The following PITPNC1 variants were observed in gnomAD, a reference collection of about 807,000 sequenced individuals.
PITPNC1 encodes cytoplasmic phosphatidylinositol transfer protein 1.
Under a neutral mutation model 44.7 loss-of-function variants are expected in PITPNC1, and 18 were observed. The ratio of observed to expected loss-of-function variants is 0.40; its 90% CI spans 0.28 to 0.60. PITPNC1 has a LOEUF of 0.60. Among genes scored for constraint, PITPNC1 ranks in the 20% least tolerant of loss-of-function variants. The pLI is 0.39. For missense variants in PITPNC1, 290 were observed against 418.4 expected (o/e 0.69, Z 2.68); for synonymous variants, 141 against 149.6 (o/e 0.94, Z 0.42).
At chr17:67,524,244 G>C (rs1013019487) in intron 1 of PITPNC1, among the ~76,000 whole-genome samples, 9 of 152,042 alleles carry the variant, frequency 5.9e-5, no homozygotes, top group African/African-American at 2.2e-4. Flanking sequence ...GGAATTTGAG[G>C]CCAGCCTGGG....
chr17:67,505,685 C>T (rs2040091268), intron 1 of PITPNC1, among the ~76,000 whole-genome samples: 2 of 152,052 alleles, frequency 1.3e-5, no homozygotes, highest in Admixed American at 1.3e-4. Flanking sequence ...CCGTGTTAGC[C>T]AGGCTGGTCT....
intron 1 of PITPNC1, among the ~76,000 whole-genome samples, chr17:67,425,981 T>C (rs771055112): frequency 7.9e-5 from 12 of 152,236 alleles, no homozygotes; most frequent in Non-Finnish European, 1.5e-4. Flanking sequence ...TCAATAAAAC[T>C]TTATTTAACA....
chr17:67,412,686 C>T (rs2038521011), intron 1 of PITPNC1, among the ~76,000 whole-genome samples: 1 of 152,262 alleles, frequency 6.6e-6, no homozygotes, highest in Middle Eastern at 3.4e-3. Context: ...CCTGCCTCAG[C>T]CTCCCGAGAA....
At chr17:67,425,468 C>CCCCT (rs749828678) in intron 1 of PITPNC1, among the ~76,000 whole-genome samples, 91 of 143,172 alleles carry the variant, frequency 6.4e-4, no homozygotes, top group South Asian at 3.4e-3. Context: ...TCTCTCCCTT[C>CCCCT]CCCTCCCTCC....
At chr17:67,611,163 TAGA>T (rs2041682870) in intron 5 of PITPNC1, 1 of 152,194 alleles carries the variant, frequency 6.6e-6, no homozygotes, top group Non-Finnish European at 1.5e-5. Flanking sequence ...TATGAGATAC[TAGA>T]AGAAGGTCTG....
chr17:67,563,841 G>C (rs112923666), intron 4 of PITPNC1, among the ~76,000 whole-genome samples: 346 of 152,296 alleles, frequency 2.3e-3, no homozygotes, highest in African/African-American at 7.9e-3. Flanking sequence ...AGGTTCTCCA[G>C]AGAGACAGAA....
intron 6 of PITPNC1, among the ~76,000 whole-genome samples, chr17:67,663,179 G>A (rs1320490374): frequency 3.9e-5 from 6 of 152,130 alleles, no homozygotes; most frequent in Admixed American, 2.0e-4. Flanking sequence ...CACATGTTGT[G>A]TATCTGATAC....
chr17:67,539,681 A>T (rs1222158732), intron 2 of PITPNC1, among the ~76,000 whole-genome samples: 1 of 152,146 alleles, frequency 6.6e-6, no homozygotes, highest in Non-Finnish European at 1.5e-5. Context: ...TACTAAAAAT[A>T]TTAAAAATTG....
chr17:67,489,687 C>G (rs1347966166), intron 1 of PITPNC1, among the ~76,000 whole-genome samples: 1 of 152,066 alleles, frequency 6.6e-6, no homozygotes, highest in East Asian at 1.9e-4. Flanking sequence ...ATTACTGAAC[C>G]CGAACCTTTT....
At chr17:67,526,472 T>C (rs1409916450) in intron 1 of PITPNC1, among the ~76,000 whole-genome samples, 1 of 152,204 alleles carries the variant, frequency 6.6e-6, no homozygotes, top group Non-Finnish European at 1.5e-5. Flanking sequence ...CTCATGCCTA[T>C]AATCCCAGCA....
intron 1 of PITPNC1, among the ~76,000 whole-genome samples, chr17:67,481,544 G>GC (rs1248541314): frequency 6.6e-6 from 1 of 152,092 alleles, no homozygotes; most frequent in African/African-American, 2.4e-5. Context: ...TTGCTTTGTT[G>GC]CCCAGGTAGG....
chr17:67,478,727 G>C (rs1420526659), intron 1 of PITPNC1, among the ~76,000 whole-genome samples: 9 of 152,006 alleles, frequency 5.9e-5, no homozygotes, highest in Non-Finnish European at 1.2e-4. Flanking sequence ...CAAGCGTTGG[G>C]AGGTCTCTGA....
intron 4 of PITPNC1, among the ~76,000 whole-genome samples, chr17:67,566,159 T>C (rs1345750855): frequency 6.6e-6 from 1 of 152,146 alleles, no homozygotes; most frequent in Non-Finnish European, 1.5e-5. Context: ...TGTAATATTT[T>C]TTCACATCTC....
At chr17:67,636,483 G>A (rs767086728) in intron 6 of PITPNC1, among the ~76,000 whole-genome samples, 8 of 152,142 alleles carry the variant, frequency 5.3e-5, no homozygotes, top group Non-Finnish European at 1.0e-4. Flanking sequence ...ATAGGGCTGA[G>A]CCCTGCACAT....
intron 1 of PITPNC1, chr17:67,408,811 A>T (rs2038445601): frequency 6.6e-6 from 1 of 150,898 alleles, no homozygotes; most frequent in Admixed American, 6.6e-5. Context: ...AGGGGGAAAG[A>T]ATAGAACAAG....
intron 1 of PITPNC1, among the ~76,000 whole-genome samples, chr17:67,492,572 G>C (rs1446147600): frequency 6.6e-6 from 1 of 152,126 alleles, no homozygotes; most frequent in Non-Finnish European, 1.5e-5. Flanking sequence ...CACCAAGTTT[G>C]TGGTGATTTG....
intron 5 of PITPNC1, among the ~76,000 whole-genome samples, chr17:67,624,210 TTTTC>T (rs1354323166): frequency 3.2e-5 from 2 of 63,330 alleles, no homozygotes; most frequent in Non-Finnish European, 5.5e-5. Context: ...TCTTTCTTTC[TTTTC>T]TTTTTTTTTT....
chr17:67,475,397 G>GT (rs1007883767), intron 1 of PITPNC1, among the ~76,000 whole-genome samples: 4 of 152,204 alleles, frequency 2.6e-5, no homozygotes, highest in Non-Finnish European at 4.4e-5. Flanking sequence ...AGCCCGGGGT[G>GT]TTTGGGACTC....
intron 1 of PITPNC1, among the ~76,000 whole-genome samples, chr17:67,520,034 T>C (rs2040306041): frequency 6.6e-6 from 1 of 152,220 alleles, no homozygotes; most frequent in South Asian, 2.1e-4. Context: ...CCCTCTGTTC[T>C]CAGAAGGTCT....
Sources: gnomAD v4.1 joint callset for allele counts (sites outside exome capture counted in the v4.1 genomes callset) on GRCh38, gnomAD v4.1.1 for gene constraint, MANE v1.5 for transcripts, NCBI Gene and HGNC (gene_info 2026-07-23, HGNC 2026-07-21) for gene names.